Variants in DCAF6 observed in about 807,000 individuals in gnomAD.
The protein encoded by DCAF6 is DDB1 and CUL4 associated factor 6.
Under a neutral mutation model 125.1 loss-of-function variants are expected in DCAF6, and 54 were observed. The ratio of observed to expected loss-of-function variants is 0.43; its 90% CI spans 0.35 to 0.54. The LOEUF is 0.54. Ranked by LOEUF, DCAF6 falls within the 20% of genes least tolerant of loss-of-function variation. DCAF6 has a pLI of 0.01. For synonymous variants in DCAF6, 371 were observed against 390.4 expected (o/e 0.95, Z 0.58); for missense variants, 934 against 1,161.7 (o/e 0.80, Z 2.85).
chr1:168,051,633 A>T (rs188486679), intron 17 of DCAF6, among the ~76,000 whole-genome samples: 278 of 152,356 alleles, frequency 1.8e-3, no homozygotes, highest in African/African-American at 6.1e-3. Flanking sequence ...ATATAGCAAC[A>T]ATCAGAAATG....
intron 10 of DCAF6, among the ~76,000 whole-genome samples, chr1:168,006,058 TAA>T (rs926907804): frequency 2.0e-5 from 3 of 152,172 alleles, no homozygotes; most frequent in Non-Finnish European, 4.4e-5. Context: ...TGATCAATTA[TAA>T]GTTTTTAGGA....
chr1:168,052,603 G>A (rs1177436336), intron 17 of DCAF6, among the ~76,000 whole-genome samples: 2 of 152,150 alleles, frequency 1.3e-5, no homozygotes, highest in African/African-American at 4.8e-5. Flanking sequence ...TTCTGCTTAA[G>A]ATAGACAAAA....
At chr1:167,930,367 C>T in the DCAF6 span, among the ~76,000 whole-genome samples, 1 of 152,164 alleles carries the variant, frequency 6.6e-6, no homozygotes, top group Non-Finnish European at 1.5e-5. Context: ...TTTAGAAAGA[C>T]TGTTGAAATC....
At chr1:167,893,924 A>G in the DCAF6 span, 1 of 1,613,406 alleles carries the variant, frequency 6.2e-7, no homozygotes, top group Non-Finnish European at 8.5e-7. Context: ...TTCAGCGTGC[A>G]TGCAAGCCTC....
chr1:168,051,879 C>CT lies in DCAF6; in HGVS notation c.2300+961dup, dbSNP rs775517869. ...TCAAATTATTACTAGTTATCACTTT[C>CT]TTTTTTTTTTTTTTTCCCCAAGATG... On this transcript the variant is annotated intron_variant, in intron 17 of 21. Coordinates refer to ENST00000367840, the MANE Select transcript of DCAF6 (RefSeq NM_001198956.2). 8.1e-3 allele frequency among the ~76,000 whole-genome samples: 1,145 copies of CT among 141,734 alleles called. 14 individuals carry two copies. The highest frequency in any genetic ancestry group is 0.024 in the African/African-American group (923 of 38,926). The allele number at this position is 141,734 out of a possible 152,430, so 93.0% of individuals were successfully genotyped here.
chr1:167,971,148 T>C (rs1677239928), intron 3 of DCAF6, among the ~76,000 whole-genome samples: 1 of 152,220 alleles, frequency 6.6e-6, no homozygotes, highest in Admixed American at 6.5e-5. Flanking sequence ...TTCTCGGGTA[T>C]CTCCCATCTA....
the DCAF6 span, chr1:167,880,416 G>A: frequency 8.8e-7 from 1 of 1,140,250 alleles, no homozygotes; most frequent in East Asian, 2.3e-5. Flanking sequence ...TTTCTTTCCT[G>A]TTCCCTGCAT....
At chr1:168,042,354 A>G (rs911661494) in intron 13 of DCAF6, among the ~76,000 whole-genome samples, 2 of 152,048 alleles carry the variant, frequency 1.3e-5, no homozygotes, top group African/African-American at 4.8e-5. Flanking sequence ...ATATGCCATG[A>G]TTTGTCACAG....
At chr1:167,863,743 G>A in the DCAF6 span, among the ~76,000 whole-genome samples, 3,801 of 152,332 alleles carry the variant, frequency 0.025, 69 homozygotes, top group Middle Eastern at 0.051. Flanking sequence ...GGGACACCTC[G>A]CCAGAGCAGT....
chr1:167,972,203 A>G lies in DCAF6; in HGVS notation c.253-2627A>G, dbSNP rs1387403608. ...TCCCAAGTACACATAAATATTTTTA[A>G]TCAGCCTTATTGCTGTTTATCTGCA... On this transcript the variant is annotated intron_variant, in intron 3 of 21. Coordinates refer to ENST00000367840, the MANE Select transcript of DCAF6 (RefSeq NM_001198956.2). 2.0e-5 allele frequency among the ~76,000 whole-genome samples: 3 copies of G among 152,380 alleles called. No individual in the cohort carries two copies. In the East Asian group the frequency reaches 5.8e-4, roughly 29 times the overall value.
At chr1:167,924,508 T>C in the DCAF6 span, 13 of 1,589,422 alleles carry the variant, frequency 8.2e-6, no homozygotes, top group Admixed American at 7.3e-5. Context: ...CATTTCATAA[T>C]TGGAGCCCAG....
chr1:168,068,433 A>G lies in DCAF6; in HGVS notation c.2761A>G (p.Met921Val). The change falls in exon 21 of 22, where the codon ATG (methionine) becomes GTG (valine). Residue 921 changes from methionine (M) to valine (V), a missense_variant. Transcript: ENST00000367840. ...AGTTCCAGCCTCTTTCATGTTGAGGATGTTGGCTTCACTTAATCATATCCG... is the reference window on the plus strand; with the variant it reads ...AGTTCCAGCCTCTTTCATGTTGAGGGTGTTGGCTTCACTTAATCATATCCG... ...ITVPASFMLR[M>V]LASLNHIRAD... 1 of 1,555,584 alleles carries G rather than the reference A, an allele frequency of 6.4e-7. No individual in the cohort carries two copies. The highest frequency in any genetic ancestry group is 8.7e-7 in the Non-Finnish European group (1 of 1,148,542).
At chr1:167,910,118 C>T in the DCAF6 span, among the ~76,000 whole-genome samples, 1,046 of 152,258 alleles carry the variant, frequency 6.9e-3, 41 homozygotes, top group Admixed American at 0.048. Context: ...TGCTCCCAGC[C>T]GAATAAAGCC....
At chr1:167,948,169 T>C (rs1673372236) in intron 1 of DCAF6, among the ~76,000 whole-genome samples, 1 of 152,120 alleles carries the variant, frequency 6.6e-6, no homozygotes, top group African/African-American at 2.4e-5. Context: ...TAGATGGTTT[T>C]TTCTCTTGCC....
chr1:168,015,889 A>C lies in DCAF6; in HGVS notation c.1487A>C (p.Gln496Pro). The change falls in exon 11 of 22, where the codon CAA becomes CCA. Residue 496 changes from glutamine (Q) to proline (P), a missense_variant. Around this residue, in one of 5 missense-constraint regions of DCAF6, gnomAD observed 559 missense variants for 635.5 expected, o/e 0.88. Coordinates refer to ENST00000367840, the MANE Select transcript of DCAF6 (RefSeq NM_001198956.2). ...RQQELAAHTQ[Q>P]QPSTSDQSSH... ...CAAGAGCTAGCTGCACATACCCAGC[A>C]ACAGCCTTCCACTTCTGATCAGTCT... is the stretch of plus-strand genomic sequence containing the variant. 6.5e-7 allele frequency: 1 copy of C among 1,544,026 alleles called. No homozygotes were observed. The highest frequency in any genetic ancestry group is 8.7e-7 in the Non-Finnish European group (1 of 1,143,758).
At chr1:167,906,576 C>T in the DCAF6 span, among the ~76,000 whole-genome samples, 2 of 150,798 alleles carry the variant, frequency 1.3e-5, no homozygotes, top group Non-Finnish European at 3.0e-5. Context: ...TTGCTTGAGC[C>T]CGAGTTCGAG....
At chr1:168,066,294 A>G (rs1181216675) in intron 19 of DCAF6, 83 bp from the exon 20 acceptor site, 5 of 781,122 alleles carry the variant, frequency 6.4e-6, no homozygotes, top group South Asian at 2.2e-5. Flanking sequence ...TAGTTTTGCT[A>G]TATATACATA....
chr1:168,041,073 C>T (rs1688468315), intron 13 of DCAF6, among the ~76,000 whole-genome samples: 1 of 151,788 alleles, frequency 6.6e-6, no homozygotes, highest in Non-Finnish European at 1.5e-5. Flanking sequence ...TCAGTTTTCT[C>T]CCTTGAAAAC....
At chr1:168,002,451 T>TA in intron 7 of DCAF6, 31 bp from the exon 8 acceptor site, 1 of 1,591,652 alleles carries the variant, frequency 6.3e-7, no homozygotes, top group South Asian at 1.1e-5. Context: ...GTTTTAGACT[T>TA]ACATAGAATT....
Sources: allele counts gnomAD v4.1 joint callset (sites outside exome capture counted in the v4.1 genomes callset), GRCh38; gene constraint gnomAD v4.1.1; regional missense constraint gnomAD v4.1.1; transcripts MANE v1.5; gene names NCBI Gene and HGNC (gene_info 2026-07-23, HGNC 2026-07-21).